The following RARB variants were observed in gnomAD, a reference collection of about 807,000 sequenced individuals.
RARB encodes HBV-activated protein.
Under a neutral mutation model 51.9 loss-of-function variants are expected in RARB, and 17 were observed. That is an observed-to-expected ratio of 0.33 (90% CI 0.22 to 0.49). The LOEUF (loss-of-function observed/expected upper bound fraction) is 0.49. Among genes scored for constraint, RARB ranks in the 20% least tolerant of loss-of-function variants. The pLI is 0.99. For missense variants in RARB, 369 were observed against 550.8 expected (o/e 0.67, Z 3.30); for synonymous variants, 215 against 195.4 (o/e 1.10, Z -0.84).
rs142688915 is a variant in RARB at position 24,893,392 on chromosome 3, G to A, written c.-380+34640G>A. On this transcript the variant is annotated intron_variant, in intron 2 of 11. Transcript: ENST00000383772. ...ATTCATTTAAATGCTTGAAGACATT[G>A]ACAGCTTTAATTTTTTTTTGCCACC... 4.4e-3 allele frequency among the ~76,000 whole-genome samples: 665 copies of A among 152,316 alleles called. 1 individual carries two copies. The highest frequency in any genetic ancestry group is 0.017 in the Middle Eastern group (5 of 294).
At chr3:25,181,088 T>C (rs1700851415) in intron 5 of RARB, among the ~76,000 whole-genome samples, 3 of 152,196 alleles carry the variant, frequency 2.0e-5, no homozygotes, top group Admixed American at 2.0e-4. Flanking sequence ...CCTCTTTTCA[T>C]AACTCTATGT....
At chr3:25,141,950 A>T (rs959628119) in intron 4 of RARB, among the ~76,000 whole-genome samples, 4 of 152,210 alleles carry the variant, frequency 2.6e-5, no homozygotes, top group Admixed American at 1.3e-4. Flanking sequence ...TACTCATGAC[A>T]TCCATGTGTA....
intron 5 of RARB, among the ~76,000 whole-genome samples, chr3:25,274,796 G>C (rs184973632): frequency 2.8e-4 from 43 of 152,186 alleles, no homozygotes; most frequent in African/African-American, 8.9e-4. Flanking sequence ...ATACAGGAAG[G>C]GGAGAGGAAA....
At chr3:25,048,954 G>A (rs540375341) in intron 2 of RARB, among the ~76,000 whole-genome samples, 12 of 152,018 alleles carry the variant, frequency 7.9e-5, no homozygotes, top group East Asian at 1.9e-4. Flanking sequence ...GGGTTTCACC[G>A]TGTTAGCCAG....
chr3:25,374,437 G>A (rs1039673201), intron 5 of RARB, among the ~76,000 whole-genome samples: 2 of 152,140 alleles, frequency 1.3e-5, no homozygotes, highest in South Asian at 2.1e-4. Flanking sequence ...CCTGATACCA[G>A]CAATAGTAAG....
At chr3:25,299,807 T>A (rs889829587) in intron 5 of RARB, among the ~76,000 whole-genome samples, 1 of 152,194 alleles carries the variant, frequency 6.6e-6, no homozygotes, top group Admixed American at 6.5e-5. Flanking sequence ...CTGTAGGAAG[T>A]TAAAGACTAG....
At chr3:25,468,468 G>A (rs1204845836) in intron 2 of RARB, among the ~76,000 whole-genome samples, 2 of 149,402 alleles carry the variant, frequency 1.3e-5, no homozygotes, top group Non-Finnish European at 3.0e-5. Flanking sequence ...TATAGATGAG[G>A]TAACAGAGGG....
chr3:25,585,544 G>A (rs923139471), intron 5 of RARB, among the ~76,000 whole-genome samples: 9 of 152,208 alleles, frequency 5.9e-5, no homozygotes, highest in African/African-American at 9.6e-5. Context: ...CACAGCAAGG[G>A]ATAATGATTC....
intron 5 of RARB, among the ~76,000 whole-genome samples, chr3:25,585,500 G>A (rs756245309): frequency 6.6e-6 from 1 of 152,228 alleles, no homozygotes. Flanking sequence ...ATTAAGTGCT[G>A]TATTTTTTAC....
At chr3:25,319,544 A>G (rs1171242497) in intron 5 of RARB, among the ~76,000 whole-genome samples, 1 of 152,164 alleles carries the variant, frequency 6.6e-6, no homozygotes, top group Non-Finnish European at 1.5e-5. Context: ...GACCAACCAA[A>G]ATTAAAGAGC....
intron 1 of RARB, among the ~76,000 whole-genome samples, chr3:24,832,628 A>AATATATAT (rs10526610): frequency 0.012 from 1,033 of 88,398 alleles, 41 homozygotes; most frequent in Admixed American, 0.017. Flanking sequence ...ATTGAGTCCC[A>AATATATAT]ATATATATAT....
chr3:24,886,768 T>A (rs1389778945), intron 2 of RARB, among the ~76,000 whole-genome samples: 1 of 152,134 alleles, frequency 6.6e-6, no homozygotes, highest in Non-Finnish European at 1.5e-5. Flanking sequence ...TAGGGCAACT[T>A]GATCCTACAT....
At position 25,154,240 on chromosome 3, in the gene RARB, T is replaced by G. The variant is rs576897067; in HGVS notation, c.-279-19879T>G. Among the ~76,000 whole-genome samples the G allele has an allele frequency of 7.9e-5, 12 of 152,330 alleles. No homozygotes were observed. In the South Asian group the frequency reaches 1.2e-3, roughly 16 times the overall value. On this transcript the variant is annotated intron_variant, in intron 4 of 11. Transcript: ENST00000383772. Reference sequence around the variant, plus strand: ...AGTATATATCCACAGGCATTTCAATTAACTCATCCAAAACTACGTTCATCC... The same window carrying G: ...AGTATATATCCACAGGCATTTCAATGAACTCATCCAAAACTACGTTCATCC...
chr3:24,977,394 C>T (rs766864409), intron 2 of RARB, among the ~76,000 whole-genome samples: 1 of 152,168 alleles, frequency 6.6e-6, no homozygotes, highest in African/African-American at 2.4e-5. Context: ...TACCCATGAG[C>T]GTGGAATGTT....
intron 5 of RARB, among the ~76,000 whole-genome samples, chr3:25,341,751 C>G (rs185015737): frequency 1.2e-3 from 183 of 152,200 alleles, no homozygotes; most frequent in Non-Finnish European, 2.2e-3. Flanking sequence ...GCCACTAAAC[C>G]TCCCACTATG....
intron 5 of RARB, among the ~76,000 whole-genome samples, chr3:25,263,357 T>C (rs1409990293): frequency 6.6e-6 from 1 of 152,182 alleles, no homozygotes; most frequent in African/African-American, 2.4e-5. Flanking sequence ...CATCGGGCAT[T>C]AAATAACTTG....
At chr3:25,059,289 G>A (rs906140405) in intron 2 of RARB, among the ~76,000 whole-genome samples, 5 of 151,120 alleles carry the variant, frequency 3.3e-5, no homozygotes, top group African/African-American at 1.2e-4. Context: ...CTATTTCCTT[G>A]CTTTTAATTA....
At chr3:25,438,591 T>C (rs1708532393) in intron 1 of RARB, among the ~76,000 whole-genome samples, 1 of 152,090 alleles carries the variant, frequency 6.6e-6, no homozygotes, top group Non-Finnish European at 1.5e-5. Context: ...GATGAGGAAA[T>C]GGAGGCTCAG....
At chr3:25,450,614 A>C (rs1464036910) in intron 1 of RARB, among the ~76,000 whole-genome samples, 1 of 152,080 alleles carries the variant, frequency 6.6e-6, no homozygotes, top group Non-Finnish European at 1.5e-5. Context: ...ACTATCTATA[A>C]TTGGGGCCAG....
Sources: gnomAD v4.1 joint callset for allele counts (sites outside exome capture counted in the v4.1 genomes callset) on GRCh38, gnomAD v4.1.1 for gene constraint, MANE v1.5 for transcripts, NCBI Gene and HGNC (gene_info 2026-07-23, HGNC 2026-07-21) for gene names.